Variants in PDE1C observed in about 807,000 individuals in gnomAD.
PDE1C encodes the protein phosphodiesterase 1C, also known as dual specificity calcium/calmodulin-dependent 3',5'-cyclic nucleotide phosphodiesterase 1C.
In PDE1C, 62 loss-of-function variants were observed where a neutral mutation model predicts 93.1. The observed-to-expected ratio is 0.67, with a 90% CI of 0.54 to 0.82. PDE1C has a LOEUF of 0.82. Among genes scored for constraint, PDE1C ranks in the 40% least tolerant of loss-of-function variants. The pLI is 0.00. For missense variants in PDE1C, 742 were observed against 884.6 expected, an observed-to-expected ratio of 0.84 and a Z score of 2.04; for synonymous variants, 325 against 310.1, an observed-to-expected ratio of 1.05 and a Z score of -0.50.
chr7:32,163,594 G>A (rs1802047662), intron 3 of PDE1C, among the ~76,000 whole-genome samples: 1 of 152,112 alleles, frequency 6.6e-6, no homozygotes. Context: ...AGCTCACCAA[G>A]CCCCCACTGA....
At chr7:31,624,836 A>G in the PDE1C span, among the ~76,000 whole-genome samples, 1 of 152,304 alleles carries the variant, frequency 6.6e-6, no homozygotes, top group South Asian at 2.1e-4. Flanking sequence ...TGAACAGGCA[A>G]CCCACAAAAT....
At chr7:31,692,386 T>C in the PDE1C span, 4 of 1,392,816 alleles carry the variant, frequency 2.9e-6, no homozygotes, top group Non-Finnish European at 4.1e-6. Context: ...ACTTATTAAC[T>C]GTTTTTTATA....
chr7:32,286,900 T>C (rs1369027577), intron 1 of PDE1C, among the ~76,000 whole-genome samples: 1 of 152,174 alleles, frequency 6.6e-6, no homozygotes, highest in Non-Finnish European at 1.5e-5. Flanking sequence ...TTCATTTTGT[T>C]AAAAAATGAA....
At chr7:32,326,567 A>G (rs1036553705) in intron 1 of PDE1C, among the ~76,000 whole-genome samples, 1 of 152,128 alleles carries the variant, frequency 6.6e-6, no homozygotes, top group Non-Finnish European at 1.5e-5. Flanking sequence ...GGACCGGTCA[A>G]GTAAGAGAAG....
intron 2 of PDE1C, among the ~76,000 whole-genome samples, chr7:32,182,171 C>A (rs767928679): frequency 6.6e-6 from 1 of 152,040 alleles, no homozygotes; most frequent in Non-Finnish European, 1.5e-5. Flanking sequence ...GCTTACCAAC[C>A]AAAAAAATTC....
At chr7:31,741,478 T>A in the PDE1C span, among the ~76,000 whole-genome samples, 2 of 152,350 alleles carry the variant, frequency 1.3e-5, no homozygotes, top group Admixed American at 6.5e-5. Context: ...ATATAATCTC[T>A]CAAATTGTTA....
intron 11 of PDE1C, among the ~76,000 whole-genome samples, chr7:31,833,468 G>A (rs1790682733): frequency 1.3e-5 from 2 of 152,144 alleles, no homozygotes; most frequent in South Asian, 4.1e-4. Flanking sequence ...AAGAAAATGT[G>A]GGAAATTTTG....
intron 2 of PDE1C, among the ~76,000 whole-genome samples, chr7:31,976,482 G>T (rs905912643): frequency 6.6e-6 from 1 of 152,158 alleles, no homozygotes; most frequent in Non-Finnish European, 1.5e-5. Flanking sequence ...AACAATCTAA[G>T]ATGAACATCT....
intron 2 of PDE1C, among the ~76,000 whole-genome samples, chr7:32,020,551 A>C (rs977857170): frequency 1.3e-5 from 2 of 152,158 alleles, no homozygotes; most frequent in African/African-American, 4.8e-5. Flanking sequence ...TTTCATACAT[A>C]AGAAACACAG....
At chr7:31,680,026 A>T in the PDE1C span, among the ~76,000 whole-genome samples, 26 of 152,174 alleles carry the variant, frequency 1.7e-4, no homozygotes, top group African/African-American at 2.7e-4. Context: ...GCAACCAGAG[A>T]GTGTCCGGAT....
intron 2 of PDE1C, among the ~76,000 whole-genome samples, chr7:31,890,060 T>C (rs372709036): frequency 1.6e-4 from 24 of 152,310 alleles, no homozygotes; most frequent in South Asian, 8.3e-4. Context: ...TCTCCAAAGT[T>C]TGTAGGCGAG....
At chr7:32,339,518 C>A (rs1783704508) in intron 1 of PDE1C, among the ~76,000 whole-genome samples, 1 of 152,130 alleles carries the variant, frequency 6.6e-6, no homozygotes, top group Non-Finnish European at 1.5e-5. Context: ...GCATATTTTA[C>A]CACAGTTTTA....
chr7:31,790,237 AG>A (rs1562799670), intron 16 of PDE1C: 1 of 1,613,026 alleles, frequency 6.2e-7, no homozygotes, highest in Non-Finnish European at 8.5e-7. Flanking sequence ...ATTGTCTATG[AG>A]GTCTTTTTTA....
intron 14 of PDE1C, among the ~76,000 whole-genome samples, chr7:31,818,340 G>T (rs578002654): frequency 1.4e-4 from 21 of 152,132 alleles, no homozygotes; most frequent in Non-Finnish European, 3.1e-4. Context: ...GACCACAAAA[G>T]GTTCCCTGGA....
At chr7:32,300,318 C>G (rs1173973974), upstream of PDE1C, among the ~76,000 whole-genome samples, 1 of 152,224 alleles carries the variant, frequency 6.6e-6, no homozygotes, top group African/African-American at 2.4e-5. Flanking sequence ...ACCACATTCA[C>G]ATGGTCTGGT....
intron 1 of PDE1C, among the ~76,000 whole-genome samples, chr7:32,419,336 A>C (rs181927059): frequency 6.6e-6 from 1 of 152,214 alleles, no homozygotes. Context: ...TAAAAAGAGT[A>C]CTCAAAAAAT....
intron 15 of PDE1C, among the ~76,000 whole-genome samples, chr7:31,812,265 G>A (rs1006434113): frequency 2.0e-5 from 3 of 152,092 alleles, no homozygotes; most frequent in African/African-American, 7.2e-5. Context: ...AGCCAGCCTT[G>A]TTGAAGACTC....
At chr7:31,995,426 CCT>C (rs147566630) in intron 2 of PDE1C, among the ~76,000 whole-genome samples, 3,059 of 152,232 alleles carry the variant, frequency 0.02, 113 homozygotes, top group African/African-American at 0.071. Context: ...GCCCAGAAGC[CCT>C]GTTTTACAGC....
intron 1 of PDE1C, among the ~76,000 whole-genome samples, chr7:32,060,419 T>C (rs980713574): frequency 6.6e-6 from 1 of 152,194 alleles, no homozygotes; most frequent in Non-Finnish European, 1.5e-5. Context: ...CTTGGGAGCA[T>C]GAGTCCTTCC....
Sources: allele counts gnomAD v4.1 joint callset (sites outside exome capture counted in the v4.1 genomes callset), GRCh38; gene constraint gnomAD v4.1.1; transcripts MANE v1.5; gene names NCBI Gene and HGNC (gene_info 2026-07-23, HGNC 2026-07-21).